ARHGAP24: variants seen among roughly 807,000 people sequenced by gnomAD.
ARHGAP24 encodes rho GTPase-activating protein 24.
In ARHGAP24, 50 loss-of-function variants were observed where a neutral mutation model predicts 76.4. The ratio of observed to expected loss-of-function variants is 0.65; its 90% CI spans 0.52 to 0.83. The LOEUF is 0.83. ARHGAP24 is among the 40% of genes least tolerant of loss of function. The pLI is 0.00. For missense variants in ARHGAP24, 930 were observed against 914.2 expected (o/e 1.02, Z -0.22); for synonymous variants, 345 against 323.3 (o/e 1.07, Z -0.72).
chr4:85,950,406 A>G (rs1208656960), intron 5 of ARHGAP24, among the ~76,000 whole-genome samples: 1 of 151,964 alleles, frequency 6.6e-6, no homozygotes, highest in Non-Finnish European at 1.5e-5. Flanking sequence ...AGGCTGAGGC[A>G]GGAGGATCAC....
chr4:85,905,335 A>G (rs1310323322), intron 3 of ARHGAP24, among the ~76,000 whole-genome samples: 2 of 152,158 alleles, frequency 1.3e-5, no homozygotes, highest in African/African-American at 2.4e-5. Context: ...TATCCCATTT[A>G]TTACAAGAGA....
At chr4:85,710,198 G>C (rs923361270) in intron 2 of ARHGAP24, among the ~76,000 whole-genome samples, 4 of 151,882 alleles carry the variant, frequency 2.6e-5, no homozygotes, top group African/African-American at 9.7e-5. Context: ...CCAGAAATAA[G>C]GTCGCACACG....
At position 85,820,511 on chromosome 4, in the gene ARHGAP24, G is replaced by A. The variant is rs1378260730; in HGVS notation, c.268+98539G>A. Reference sequence around the variant, plus strand: ...GGCTGGAAGGAGGGAGCAGGGTAAGGATCTAACTGACTATTGGGTTTTATA... The same window carrying A: ...GGCTGGAAGGAGGGAGCAGGGTAAGAATCTAACTGACTATTGGGTTTTATA... On this transcript the variant is annotated intron_variant, in intron 3 of 9. Transcript: ENST00000395184. Among the ~76,000 whole-genome samples, 5 of 152,080 alleles carry A rather than the reference G, an allele frequency of 3.3e-5. No individual in the cohort carries two copies. The South Asian group carries it at 6.2e-4, about 19-fold the overall frequency.
chr4:85,944,821 T>C (rs1233565039), intron 5 of ARHGAP24, among the ~76,000 whole-genome samples: 1 of 152,222 alleles, frequency 6.6e-6, no homozygotes, highest in Non-Finnish European at 1.5e-5. Flanking sequence ...ATGAATATCA[T>C]CATTAAAGAT....
intron 3 of ARHGAP24, among the ~76,000 whole-genome samples, chr4:85,865,727 T>C (rs1031304968): frequency 6.6e-6 from 1 of 151,696 alleles, no homozygotes; most frequent in East Asian, 1.9e-4. Context: ...GAATTATTAA[T>C]TTCAATTAAG....
intron 3 of ARHGAP24, among the ~76,000 whole-genome samples, chr4:85,890,598 G>C (rs146313805): frequency 6.6e-6 from 1 of 152,116 alleles, no homozygotes; most frequent in Admixed American, 6.6e-5. Flanking sequence ...AATTTTACAA[G>C]GAAATAAAGA....
At chr4:85,539,094 C>T (rs1322671578) in intron 1 of ARHGAP24, among the ~76,000 whole-genome samples, 1 of 152,068 alleles carries the variant, frequency 6.6e-6, no homozygotes, top group Non-Finnish European at 1.5e-5. Context: ...GAGAAAGTCT[C>T]GGCTCCTGAA....
intron 3 of ARHGAP24, among the ~76,000 whole-genome samples, chr4:85,753,615 G>C (rs1560616401): frequency 6.6e-6 from 1 of 152,174 alleles, no homozygotes; most frequent in Non-Finnish European, 1.5e-5. Context: ...TTACGCACTG[G>C]TTAATGGCTT....
intron 1 of ARHGAP24, among the ~76,000 whole-genome samples, chr4:85,564,140 C>T (rs10004182): frequency 0.34 from 51,765 of 151,970 alleles, 9,375 homozygotes; most frequent in African/African-American, 0.41. Context: ...AGTGCCATGG[C>T]ACTGAGTATT....
intron 2 of ARHGAP24, among the ~76,000 whole-genome samples, chr4:85,719,276 C>T (rs928711652): frequency 6.6e-6 from 1 of 152,076 alleles, no homozygotes; most frequent in East Asian, 1.9e-4. Flanking sequence ...GAAACGGGAT[C>T]TATAGGCCAG....
At chr4:85,856,400 A>G (rs1033061109) in intron 3 of ARHGAP24, among the ~76,000 whole-genome samples, 26 of 151,380 alleles carry the variant, frequency 1.7e-4, no homozygotes, top group African/African-American at 6.3e-4. Flanking sequence ...GCTTGTCACC[A>G]CTTTCTTACT....
intron 3 of ARHGAP24, among the ~76,000 whole-genome samples, chr4:85,757,129 C>A (rs1221998142): frequency 6.6e-6 from 1 of 151,802 alleles, no homozygotes; most frequent in African/African-American, 2.4e-5. Flanking sequence ...CGTCTTTACC[C>A]AAGTCTACTT....
chr4:85,771,711 T>G (rs1727135525), intron 3 of ARHGAP24, among the ~76,000 whole-genome samples: 2 of 152,216 alleles, frequency 1.3e-5, no homozygotes, highest in African/African-American at 4.8e-5. Context: ...TTTGTTTTTG[T>G]CCTTGTTTTG....
chr4:85,515,342 T>C (rs1334847240), intron 1 of ARHGAP24, among the ~76,000 whole-genome samples: 1 of 150,910 alleles, frequency 6.6e-6, no homozygotes, highest in Non-Finnish European at 1.5e-5. Flanking sequence ...TATAACTTCT[T>C]CATCCTATAT....
chr4:85,688,911 C>G (rs1723529596), intron 2 of ARHGAP24, among the ~76,000 whole-genome samples: 1 of 152,074 alleles, frequency 6.6e-6, no homozygotes, highest in Non-Finnish European at 1.5e-5. Flanking sequence ...GTCTGTGTGT[C>G]TGTTTTTGTA....
chr4:85,684,129 T>C (rs1046077710), intron 2 of ARHGAP24, among the ~76,000 whole-genome samples: 2 of 152,214 alleles, frequency 1.3e-5, no homozygotes, highest in African/African-American at 2.4e-5. Flanking sequence ...AGTGGGATCA[T>C]TGGATTATAC....
intron 1 of ARHGAP24, among the ~76,000 whole-genome samples, chr4:85,536,990 A>C (rs1725493683): frequency 6.6e-6 from 1 of 152,150 alleles, no homozygotes; most frequent in South Asian, 2.1e-4. Context: ...TGGTATTCTA[A>C]GCACATGTTG....
At chr4:85,562,210 A>G (rs376743922) in intron 1 of ARHGAP24, among the ~76,000 whole-genome samples, 2 of 152,242 alleles carry the variant, frequency 1.3e-5, no homozygotes, top group African/African-American at 2.4e-5. Context: ...TGCTAATGCT[A>G]TGGAAAGAAT....
intron 3 of ARHGAP24, among the ~76,000 whole-genome samples, chr4:85,859,923 C>A (rs1731793216): frequency 6.6e-6 from 1 of 151,774 alleles, no homozygotes; most frequent in Non-Finnish European, 1.5e-5. Context: ...AGCTTTAGAG[C>A]TTACAATTAA....
Sources: allele counts gnomAD v4.1 joint callset (sites outside exome capture counted in the v4.1 genomes callset), GRCh38; gene constraint gnomAD v4.1.1; transcripts MANE v1.5; gene names NCBI Gene and HGNC (gene_info 2026-07-23, HGNC 2026-07-21).